PCDHGA1: variants seen among roughly 807,000 people sequenced by gnomAD.
PCDHGA1 encodes protocadherin gamma-A1.
In PCDHGA1, 32 loss-of-function variants were observed where a neutral mutation model predicts 58.0. The ratio of observed to expected loss-of-function variants is 0.55; its 90% confidence interval spans 0.42 to 0.74. PCDHGA1 has a LOEUF of 0.74. Ranked by LOEUF, PCDHGA1 falls within the 30% of genes least tolerant of loss-of-function variation. The pLI is 0.00. For missense variants in PCDHGA1, 1,205 were observed against 1,182.3 expected, an observed-to-expected ratio of 1.02 and a Z score of -0.28; for synonymous variants, 498 against 501.1, an observed-to-expected ratio of 0.99 and a Z score of 0.08.
At chr5:141,356,183 GAGCTAGA>G (rs756678007) in intron 1 of PCDHGA1, 1 of 1,611,306 alleles carries the variant, frequency 6.2e-7, no homozygotes, top group Admixed American at 1.7e-5. Context: ...CCTGGTCTCC[GAGCTAGA>G]AGCAAGGTAC....
At chr5:141,371,264 A>G (rs753938620) in intron 1 of PCDHGA1, 27 of 1,614,064 alleles carry the variant, frequency 1.7e-5, no homozygotes, top group Non-Finnish European at 2.0e-5. Flanking sequence ...AAGTGAGACA[A>G]CTGTTCAAGC....
intron 1 of PCDHGA1, chr5:141,383,041 A>C: frequency 6.2e-7 from 1 of 1,613,860 alleles, no homozygotes; most frequent in Non-Finnish European, 8.5e-7. Context: ...TGTGGGAGAC[A>C]TCGCCAAGGA....
rs778276261 is a variant in PCDHGA1 at position 141,331,279 on chromosome 5, C to G, written c.595C>G (p.Pro199Ala). Residue 199 changes from proline (P) to alanine (A), a missense_variant, in exon 1 of 4, where the codon CCC becomes GCC. Pro to Ala is a conservative substitution (Grantham distance 27). Transcript: ENST00000517417. ...PQHPEMVLQS[P>A]LDREEEAVHH... ...ACATCCAGAGATGGTGCTGCAGAGT[C>G]CCTTAGACAGAGAAGAAGAAGCTGT... 1 of 1,614,124 alleles carries G rather than the reference C, an allele frequency of 6.2e-7. No homozygotes were observed. The highest frequency in any genetic ancestry group is 8.5e-7 in the Non-Finnish European group (1 of 1,180,040).
At chr5:141,366,550 T>G in intron 1 of PCDHGA1, 2 of 1,614,254 alleles carry the variant, frequency 1.2e-6, no homozygotes, top group Non-Finnish European at 8.5e-7. Context: ...CCTCGCACTT[T>G]GTGGGCGTGG....
At position 141,486,706 on chromosome 5, in the gene PCDHGA1, C is replaced by G; in HGVS notation, c.2422-8101C>G. 6.2e-7 allele frequency: 1 copy of G among 1,614,154 alleles called. No homozygotes were observed. Among genetic ancestry groups the G allele is most frequent in the Non-Finnish European group, 8.5e-7 (1 of 1,180,024 alleles). ...CAGCTTCCTCTTTCATCTCTCTGAA[C>G]CCCCAGACAGGAGCTGTTCATGCTA... On this transcript the variant is annotated intron_variant, in intron 1 of 3. Coordinates refer to ENST00000517417, the MANE Select transcript of PCDHGA1 (RefSeq NM_018912.3). This position sits in a 1 kb window ranked among gnomAD's most constrained non-coding sequence, Gnocchi z 5.0.
In PCDHGA1 at chr5:141,364,445, C is replaced by A. The variant is rs1369788855; in HGVS notation, c.2421+31340C>A. The A allele has an allele frequency of 4.3e-6, 7 of 1,613,802 alleles. No individual in the cohort carries two copies. Among genetic ancestry groups the A allele is most frequent in the Non-Finnish European group, 5.9e-6 (7 of 1,179,850 alleles). The stretch of plus-strand genomic sequence containing the variant: ...GATCCGCTACTCGATGCCGGAGGAG[C>A]TGGACAAAGGCTCCTTCGTCGGCAA... On this transcript the variant is annotated intron_variant, in intron 1 of 3. Transcript: ENST00000517417.
intron 1 of PCDHGA1, chr5:141,340,036 A>G (rs1468045050): frequency 2.5e-6 from 4 of 1,614,056 alleles, no homozygotes; most frequent in Non-Finnish European, 3.4e-6. Context: ...CTACTAGCTC[A>G]GTTTCTGAAG....
At chr5:141,458,694 C>G (rs905547768) in intron 1 of PCDHGA1, among the ~76,000 whole-genome samples, 1 of 152,136 alleles carries the variant, frequency 6.6e-6, no homozygotes, top group East Asian at 1.9e-4. Context: ...CTCAGCCTCC[C>G]GAGTAGCTGG....
chr5:141,459,232 G>C (rs1293027771), intron 1 of PCDHGA1, among the ~76,000 whole-genome samples: 1 of 152,152 alleles, frequency 6.6e-6, no homozygotes, highest in Non-Finnish European at 1.5e-5. Context: ...GCAACAACTG[G>C]TCTGCTTCCT....
At chr5:141,419,348 G>A (rs1195474899) in intron 1 of PCDHGA1, 1 of 1,613,816 alleles carries the variant, frequency 6.2e-7, no homozygotes, top group Non-Finnish European at 8.5e-7. Context: ...CAGCGACCTG[G>A]AGTCACGAAC....
At position 141,476,326 on chromosome 5, in the gene PCDHGA1, T is replaced by A. The variant is rs752845438; in HGVS notation, c.2422-18481T>A. Reference sequence around the variant, plus strand: ...CAGCCCGCAGGTTCCGGGTGGTGTCTGGAGCTAGCCGAAGATTCTTTGAGG... The same window carrying A: ...CAGCCCGCAGGTTCCGGGTGGTGTCAGGAGCTAGCCGAAGATTCTTTGAGG... On this transcript the variant is annotated intron_variant, in intron 1 of 3. Coordinates refer to ENST00000517417, the MANE Select transcript of PCDHGA1 (RefSeq NM_018912.3). This position sits in a 1 kb window ranked among gnomAD's most constrained non-coding sequence, Gnocchi z 7.6. The A allele has an allele frequency of 6.2e-7, 1 of 1,614,120 alleles. No individual in the cohort carries two copies. Among genetic ancestry groups the A allele is most frequent in the Non-Finnish European group, 8.5e-7 (1 of 1,180,034 alleles).
intron 3 of PCDHGA1, among the ~76,000 whole-genome samples, chr5:141,510,531 T>C (rs1459536719): frequency 6.6e-6 from 1 of 152,078 alleles, no homozygotes; most frequent in Non-Finnish European, 1.5e-5. Context: ...CTGAGAGAAA[T>C]ACCAGCGAAT....
intron 1 of PCDHGA1, chr5:141,356,387 A>G: frequency 5.7e-6 from 9 of 1,572,378 alleles, no homozygotes; most frequent in Admixed American, 1.9e-5. Flanking sequence ...ACACTTGAAA[A>G]GACCTATGGA....
At chr5:141,396,724 A>G (rs957039654) in intron 1 of PCDHGA1, 1 of 152,212 alleles carries the variant, frequency 6.6e-6, no homozygotes, top group African/African-American at 2.4e-5. Flanking sequence ...TAATACCTGA[A>G]TTGATTGTTG....
At chr5:141,507,563 G>A (rs2099861587) in intron 3 of PCDHGA1, among the ~76,000 whole-genome samples, 1 of 152,222 alleles carries the variant, frequency 6.6e-6, no homozygotes, top group Non-Finnish European at 1.5e-5. Flanking sequence ...CAGGCGGCTG[G>A]GTCTGAGGAG....
intron 1 of PCDHGA1, chr5:141,350,722 T>C (rs371225641): frequency 5.0e-6 from 8 of 1,613,840 alleles, no homozygotes; most frequent in Non-Finnish European, 6.8e-6. Context: ...TGGATTCTGC[T>C]CAAGATGCAG....
At position 141,335,145 on chromosome 5, in the gene PCDHGA1, A is replaced by G. The variant is rs139799877; in HGVS notation, c.2421+2040A>G. On this transcript the variant is annotated intron_variant, in intron 1 of 3. Transcript: ENST00000517417. ...TTATTTTTTGCTTGGTACCAAGAGT[A>G]TACTCTCAATTGATAACTAAGTTAT... 4.0e-3 allele frequency among the ~76,000 whole-genome samples: 608 copies of G among 152,304 alleles called. 5 individuals are homozygous for G. Among genetic ancestry groups the G allele is most frequent in the Admixed American group, 0.011 (167 of 15,300 alleles).
chr5:141,433,592 T>C (rs1043652093), intron 1 of PCDHGA1, among the ~76,000 whole-genome samples: 5 of 152,020 alleles, frequency 3.3e-5, no homozygotes, highest in Non-Finnish European at 7.4e-5. Context: ...TCCCAGTACT[T>C]TGGGAGGCCG....
In PCDHGA1 at chr5:141,489,180, CTGGGTCTACCT is replaced by C. The variant is rs906371381; in HGVS notation, c.2422-5623_2422-5613del. 6.3e-5 allele frequency: 79 copies of C among 1,259,748 alleles called. No individual in the cohort carries two copies. The African/African-American group carries it at 9.3e-4, about 15-fold the overall frequency. 78.0% of individuals were successfully genotyped at this position (1,259,748 alleles called of 1,614,324 possible). ...GACTTCAGCTGCTGCATTCCAAGCCCTGGGTCTACCTTGGAGACAGGACAGCACAGACTTAC... is the reference window on the plus strand; with the variant it reads ...GACTTCAGCTGCTGCATTCCAAGCCCTGGAGACAGGACAGCACAGACTTAC... On this transcript the variant is annotated intron_variant, in intron 1 of 3. Coordinates refer to ENST00000517417, the MANE Select transcript of PCDHGA1 (RefSeq NM_018912.3). This position sits in a 1 kb window ranked among gnomAD's most constrained non-coding sequence, Gnocchi z 4.5.
Sources: allele counts gnomAD v4.1 joint callset (sites outside exome capture counted in the v4.1 genomes callset), GRCh38; gene constraint gnomAD v4.1.1; non-coding constraint Gnocchi (gnomAD v3.1); transcripts MANE v1.5; gene names NCBI Gene and HGNC (gene_info 2026-07-23, HGNC 2026-07-21).